ROS1: variants seen among roughly 807,000 people sequenced by gnomAD.
ROS1 encodes ROS proto-oncogene 1, receptor tyrosine kinase, also known as proto-oncogene tyrosine-protein kinase ROS.
Under a neutral mutation model 273.5 loss-of-function variants are expected in ROS1, and 263 were observed. That is an observed-to-expected ratio of 0.96 (90% CI 0.87 to 1.06). The LOEUF (loss-of-function observed/expected upper bound fraction) is 1.06, where lower values mean the gene tolerates loss of function less well. ROS1 is among the 50% of genes least tolerant of loss of function. The pLI is 0.00. For synonymous variants in ROS1, 1,008 were observed against 954.1 expected (o/e 1.06, Z -1.04); for missense variants, 2,833 against 2,751.1 (o/e 1.03, Z -0.67).
Position 117,287,776 on chromosome 6 carries a change from C to T in ROS1, c.*716G>A, listed in dbSNP as rs554010201. 3.3e-5 allele frequency among the ~76,000 whole-genome samples: 5 copies of T among 151,930 alleles called. No homozygotes were observed. The highest frequency in any genetic ancestry group is 3.9e-4 in the East Asian group (2 of 5,136). ...CTCTACTAAAAATACAAAAATTAGC[C>T]GGGCGTGGTGGCACACGCCTGTAAT... On this transcript the variant is annotated 3_prime_UTR_variant, in exon 44 of 44. Transcript: ENST00000368507.
intron 27 of ROS1, among the ~76,000 whole-genome samples, chr6:117,344,826 C>T (rs1582684891): frequency 6.6e-6 from 1 of 152,152 alleles, no homozygotes; most frequent in African/African-American, 2.4e-5. Flanking sequence ...ACACCTTGCA[C>T]GCTGCACAAC....
chr6:117,300,529 G>A (rs547141614), intron 43 of ROS1, among the ~76,000 whole-genome samples: 1 of 152,146 alleles, frequency 6.6e-6, no homozygotes, highest in South Asian at 2.1e-4. Flanking sequence ...GACAGGGAGG[G>A]AGGAAGTTGA....
chr6:117,376,172 C>T (rs2128679659), intron 18 of ROS1, among the ~76,000 whole-genome samples: 1 of 151,752 alleles, frequency 6.6e-6, no homozygotes, highest in South Asian at 2.1e-4. Context: ...AAAAATGTAC[C>T]AATAGCAGAA....
chr6:117,415,088 C>T (rs1775238292), intron 3 of ROS1, among the ~76,000 whole-genome samples: 1 of 152,212 alleles, frequency 6.6e-6, no homozygotes, highest in Admixed American at 6.5e-5. Flanking sequence ...AGACAGACAG[C>T]ATCCTGCCCC....
chr6:117,394,981 G>A (rs958203371), intron 9 of ROS1, among the ~76,000 whole-genome samples: 1 of 152,124 alleles, frequency 6.6e-6, no homozygotes, highest in Non-Finnish European at 1.5e-5. Flanking sequence ...AAATAACCCA[G>A]AAATGACATC....
intron 39 of ROS1, among the ~76,000 whole-genome samples, chr6:117,315,231 A>T (rs1010680156): frequency 6.6e-6 from 1 of 152,146 alleles, no homozygotes; most frequent in Non-Finnish European, 1.5e-5. Context: ...AAATGACAAA[A>T]GCTAGAAAAT....
At chr6:117,374,995 C>A (rs1301336695) in intron 18 of ROS1, among the ~76,000 whole-genome samples, 1 of 152,174 alleles carries the variant, frequency 6.6e-6, no homozygotes, top group African/African-American at 2.4e-5. Flanking sequence ...AAGATACATG[C>A]ACATGCATGT....
intron 4 of ROS1, among the ~76,000 whole-genome samples, chr6:117,411,136 C>T (rs979614747): frequency 1.3e-5 from 2 of 151,878 alleles, no homozygotes; most frequent in African/African-American, 4.8e-5. Flanking sequence ...CAGGGGAAAT[C>T]GATAATAAAA....
intron 24 of ROS1, among the ~76,000 whole-genome samples, chr6:117,359,539 A>G (rs1779607332): frequency 6.6e-6 from 1 of 152,198 alleles, no homozygotes; most frequent in Non-Finnish European, 1.5e-5. Flanking sequence ...GACTGGGTTT[A>G]TTAAGAGCAA....
In ROS1 at chr6:117,365,132, G is replaced by A. The variant is rs1295211193; in HGVS notation, c.3031C>T (p.Leu1011Phe). ...EGLEPYALFNLSVTPYTYWGK... is the reference protein window; with the variant it reads ...EGLEPYALFNFSVTPYTYWGK... ...CAGTAGGTATAAGGAGTGACAGAAAGATTAAATAAGGCATAAGGTTCCAGT... is the reference window on the plus strand; with the variant it reads ...CAGTAGGTATAAGGAGTGACAGAAAAATTAAATAAGGCATAAGGTTCCAGT... Residue 1011 changes from leucine to phenylalanine, a missense_variant, in exon 21 of 44, where the codon CTT (leucine) becomes TTT (phenylalanine). Coordinates refer to ENST00000368507, the MANE Select transcript of ROS1 (RefSeq NM_001378902.1). The A allele has an allele frequency of 1.2e-6, 2 of 1,613,516 alleles. No individual in the cohort carries two copies. The highest frequency in any genetic ancestry group is 3.3e-5 in the Admixed American group (2 of 59,996).
chr6:117,373,471 C>T lies in ROS1; in HGVS notation c.2582+5588G>A, dbSNP rs1043626458. 9.2e-5 allele frequency among the ~76,000 whole-genome samples: 14 copies of T among 152,364 alleles called. No individual in the cohort carries two copies. The East Asian group carries it at 9.6e-4, about 11-fold the overall frequency. On this transcript the variant is annotated intron_variant, in intron 18 of 43. Transcript: ENST00000368507. Reference sequence around the variant, plus strand: ...GCCCGGCGAGAATTCGAGCATGGCGCGGGCAGGCCAGCAGTGCTGGGGGAC... The same window carrying T: ...GCCCGGCGAGAATTCGAGCATGGCGTGGGCAGGCCAGCAGTGCTGGGGGAC...
At chr6:117,355,489 T>G (rs1779235140) in intron 26 of ROS1, among the ~76,000 whole-genome samples, 1 of 152,158 alleles carries the variant, frequency 6.6e-6, no homozygotes, top group Non-Finnish European at 1.5e-5. Flanking sequence ...TAGATTTCAG[T>G]GATGATGAAA....
In ROS1 at chr6:117,318,172, A is replaced by T. The variant is rs1776049455; in HGVS notation, c.5987+16T>A. 2 of 1,607,468 alleles carry T rather than the reference A, an allele frequency of 1.2e-6. No homozygotes were observed. The highest frequency in any genetic ancestry group is 1.7e-6 in the Non-Finnish European group (2 of 1,174,664). ...AACTTCTTACCCATACCAGGAGAAA[A>T]TTATTTCAGAGCTACCTCATCAGAT... On this transcript the variant is annotated intron_variant, in intron 38 of 43. Coordinates refer to ENST00000368507, the MANE Select transcript of ROS1 (RefSeq NM_001378902.1).
chr6:117,315,197 G>A (rs1207303711), intron 39 of ROS1, among the ~76,000 whole-genome samples: 3 of 152,034 alleles, frequency 2.0e-5, no homozygotes, highest in African/African-American at 7.2e-5. Flanking sequence ...ACAAAGTTGA[G>A]GAAGTCTATC....
chr6:117,401,803 T>TAAAAAAA (rs35593860), intron 7 of ROS1, among the ~76,000 whole-genome samples: 138 of 89,086 alleles, frequency 1.5e-3, no homozygotes, highest in Non-Finnish European at 2.0e-3. Flanking sequence ...AACTTTTCAG[T>TAAAAAAA]AAAAAAAAAA....
At chr6:117,360,515 T>C in intron 22 of ROS1, 110 bp from the exon 23 acceptor site, 1 of 679,440 alleles carries the variant, frequency 1.5e-6, no homozygotes, top group Non-Finnish European at 2.6e-6. Context: ...TGATACACAA[T>C]ATTAATAGTT....
intron 32 of ROS1, among the ~76,000 whole-genome samples, chr6:117,336,520 T>C (rs1777480380): frequency 6.6e-6 from 1 of 152,210 alleles, no homozygotes; most frequent in Non-Finnish European, 1.5e-5. Context: ...TTTTTATGGC[T>C]GCATAGTATG....
Position 117,314,307 on chromosome 6 carries a change from AAGC to A in ROS1, c.6117+2833_6117+2835del, listed in dbSNP as rs1183804538. Among the ~76,000 whole-genome samples, 4 of 152,234 alleles carry A rather than the reference AAGC, an allele frequency of 2.6e-5. No homozygotes were observed. The East Asian group carries it at 7.8e-4, about 30-fold the overall frequency. ...CAGACAAAGCATTCTGGAAGAGGGAAAGCAGATGGAGGAGTGGTAATTTAGCAG... is the reference window on the plus strand; with the variant it reads ...CAGACAAAGCATTCTGGAAGAGGGAAAGATGGAGGAGTGGTAATTTAGCAG... On this transcript the variant is annotated intron_variant, in intron 39 of 43. Transcript: ENST00000368507.
chr6:117,337,069 C>T (rs970921444), intron 32 of ROS1, 103 bp downstream of exon 32: 1 of 923,110 alleles, frequency 1.1e-6, no homozygotes, highest in East Asian at 2.7e-5. Flanking sequence ...TAATGTACTG[C>T]TTTTAAAGAA....
Sources: allele counts gnomAD v4.1 joint callset (sites outside exome capture counted in the v4.1 genomes callset), GRCh38; gene constraint gnomAD v4.1.1; transcripts MANE v1.5; gene names NCBI Gene and HGNC (gene_info 2026-07-23, HGNC 2026-07-21).